TRHDE: variants seen among roughly 807,000 people sequenced by gnomAD.
TRHDE encodes thyrotropin-releasing hormone-degrading ectoenzyme.
In TRHDE, 72 loss-of-function variants were observed where a neutral mutation model predicts 125.7. The observed-to-expected ratio is 0.57, with a 90% CI of 0.47 to 0.70. TRHDE has a LOEUF of 0.70. Among genes scored for constraint, TRHDE ranks in the 30% least tolerant of loss-of-function variants. The pLI is 0.00. For synonymous variants in TRHDE, 509 were observed against 509.1 expected, an observed-to-expected ratio of 1.00 and a Z score of 0.00; for missense variants, 1,110 against 1,327.1, an observed-to-expected ratio of 0.84 and a Z score of 2.54.
At chr12:72,501,451 TA>T (rs112710403) in intron 6 of TRHDE, among the ~76,000 whole-genome samples, 10,389 of 152,214 alleles carry the variant, frequency 0.068, 427 homozygotes, top group Middle Eastern at 0.12. Context: ...AAGATGGTTA[TA>T]TTTTTTTTGT....
At chr12:72,172,359 T>C (rs944394495) in intron 2 of TRHDE, among the ~76,000 whole-genome samples, 1 of 152,220 alleles carries the variant, frequency 6.6e-6, no homozygotes, top group Non-Finnish European at 1.5e-5. Context: ...AGTATTATCT[T>C]ATTAAATGTC....
At chr12:72,321,752 TGTAAA>T (rs1279497444) in intron 2 of TRHDE, among the ~76,000 whole-genome samples, 1 of 152,166 alleles carries the variant, frequency 6.6e-6, no homozygotes, top group African/African-American at 2.4e-5. Context: ...TTAATATAGT[TGTAAA>T]GTACAAAAGT....
rs1879356479 is a variant in TRHDE, at chr12:72,273,639, C to A, written c.914+82C>A. The A allele has an allele frequency of 2.2e-6, 3 of 1,376,952 alleles. No homozygotes were observed. The highest frequency in any genetic ancestry group is 1.4e-5 in the African/African-American group (1 of 69,450). 85.3% of individuals were successfully genotyped at this position (1,376,952 alleles called of 1,614,324 possible). On this transcript the variant is annotated intron_variant, in intron 1 of 18. Coordinates refer to ENST00000261180, the MANE Select transcript of TRHDE (RefSeq NM_013381.3). This position sits in a 1 kb window ranked among gnomAD's most constrained non-coding sequence, Gnocchi z 5.3. Reference sequence around the variant, plus strand: ...TGGGCGGCCTGCGACCCCGGGGACCCAGCTGGCTTCCAATACCCGGGAAGC... The same window carrying A: ...TGGGCGGCCTGCGACCCCGGGGACCAAGCTGGCTTCCAATACCCGGGAAGC...
intron 2 of TRHDE, among the ~76,000 whole-genome samples, chr12:72,200,633 A>G (rs1877540803): frequency 6.6e-6 from 1 of 152,128 alleles, no homozygotes; most frequent in Non-Finnish European, 1.5e-5. Flanking sequence ...TTAAAAGGAG[A>G]TATAATGAAG....
intron 2 of TRHDE, among the ~76,000 whole-genome samples, chr12:72,238,323 CATATAT>C (rs1234151305): frequency 4.4e-4 from 6 of 13,670 alleles, no homozygotes; most frequent in African/African-American, 1.1e-3. Context: ...TATATATATA[CATATAT>C]ATATACACAT....
intron 15 of TRHDE, among the ~76,000 whole-genome samples, chr12:72,635,438 C>G (rs1040555438): frequency 2.6e-5 from 4 of 151,952 alleles, no homozygotes; most frequent in Non-Finnish European, 4.4e-5. Flanking sequence ...AAAATTTTCT[C>G]CCATTCTGTA....
intron 7 of TRHDE, among the ~76,000 whole-genome samples, chr12:72,551,792 A>T (rs1425018633): frequency 6.6e-6 from 1 of 152,142 alleles, no homozygotes; most frequent in Non-Finnish European, 1.5e-5. Flanking sequence ...ATGTGAAAAA[A>T]ATGCTAGGAA....
At chr12:72,255,670 T>C (rs945219791) in intron 2 of TRHDE, 1 of 152,206 alleles carries the variant, frequency 6.6e-6, no homozygotes, top group African/African-American at 2.4e-5. Context: ...CTTGAGATGT[T>C]ACATTCCCTA....
chr12:72,616,306 A>T (rs1012518776), intron 12 of TRHDE, among the ~76,000 whole-genome samples: 1 of 152,168 alleles, frequency 6.6e-6, no homozygotes, highest in African/African-American at 2.4e-5. Context: ...ATAAAATTAC[A>T]AAGTATTTTT....
At chr12:72,353,673 G>T (rs187174017) in intron 2 of TRHDE, among the ~76,000 whole-genome samples, 1 of 151,182 alleles carries the variant, frequency 6.6e-6, no homozygotes, top group Admixed American at 6.6e-5. Context: ...AACCACTTAC[G>T]TGTATATGGA....
At chr12:72,163,226 A>G (rs367967633) in intron 2 of TRHDE, 6 of 152,236 alleles carry the variant, frequency 3.9e-5, no homozygotes, top group South Asian at 2.1e-4. Flanking sequence ...ATATATATGC[A>G]TACCCTTGAA....
upstream of TRHDE, chr12:72,271,731 G>T (rs369009450): frequency 2.7e-6 from 1 of 366,818 alleles, no homozygotes. Flanking sequence ...ATACACACAC[G>T]CACACACGCG....
At position 72,540,097 on chromosome 12, in the gene TRHDE, A is replaced by T. The variant is rs142908952; in HGVS notation, c.1723-2194A>T. ...TCCATACATAGTATGTGCTTAGTAT[A>T]TGTTGGCTAAACCATGACAGTTGGA... On this transcript the variant is annotated intron_variant, in intron 6 of 18. Transcript: ENST00000261180. Among the ~76,000 whole-genome samples, 433 of 151,938 alleles carry T rather than the reference A, an allele frequency of 2.8e-3. 4 individuals carry two copies. Among genetic ancestry groups the T allele is most frequent in the Non-Finnish European group, 4.6e-3 (315 of 67,826 alleles).
intron 2 of TRHDE, among the ~76,000 whole-genome samples, chr12:72,206,735 T>A (rs1174075674): frequency 2.6e-5 from 4 of 152,028 alleles, no homozygotes; most frequent in South Asian, 2.1e-4. Context: ...AATGAAAATT[T>A]TAAAAAAGAA....
chr12:72,162,818 A>G (rs747138057), intron 2 of TRHDE, among the ~76,000 whole-genome samples: 1 of 151,958 alleles, frequency 6.6e-6, no homozygotes, highest in Non-Finnish European at 1.5e-5. Flanking sequence ...CTGAAATGCT[A>G]TTGAAGGCAA....
intron 3 of TRHDE, among the ~76,000 whole-genome samples, chr12:72,379,510 A>G (rs1872050230): frequency 6.6e-6 from 1 of 152,224 alleles, no homozygotes; most frequent in Non-Finnish European, 1.5e-5. Flanking sequence ...TACTCCAGGT[A>G]TAACTGGCTG....
At chr12:72,397,555 C>T (rs985561127) in intron 3 of TRHDE, among the ~76,000 whole-genome samples, 1 of 152,174 alleles carries the variant, frequency 6.6e-6, no homozygotes, top group African/African-American at 2.4e-5. Flanking sequence ...CTGACCCAAC[C>T]CACCATTCTC....
At chr12:72,451,357 T>G (rs1875560419) in intron 3 of TRHDE, among the ~76,000 whole-genome samples, 1 of 152,198 alleles carries the variant, frequency 6.6e-6, no homozygotes, top group Non-Finnish European at 1.5e-5. Flanking sequence ...ATTTAGCTTT[T>G]CCAGCACCAT....
intron 3 of TRHDE, among the ~76,000 whole-genome samples, chr12:72,469,383 T>A (rs1299781229): frequency 6.6e-6 from 1 of 152,222 alleles, no homozygotes; most frequent in Admixed American, 6.5e-5. Flanking sequence ...GAATATAGTA[T>A]TTACTGCATT....
Sources: allele counts gnomAD v4.1 joint callset (sites outside exome capture counted in the v4.1 genomes callset), GRCh38; gene constraint gnomAD v4.1.1; non-coding constraint Gnocchi (gnomAD v3.1); transcripts MANE v1.5; gene names NCBI Gene and HGNC (gene_info 2026-07-23, HGNC 2026-07-21).